Variants in CNIH3 observed in about 807,000 individuals in gnomAD.
CNIH3 encodes the protein cornichon family AMPA receptor auxiliary protein 3, also known as protein cornichon homolog 3.
In CNIH3, 14 loss-of-function variants were observed where a neutral mutation model predicts 24.1. The ratio of observed to expected loss-of-function variants is 0.58; its 90% CI spans 0.38 to 0.91. The LOEUF is 0.91. Ranked by LOEUF, CNIH3 falls within the 40% of genes least tolerant of loss-of-function variation. The pLI, the probability that CNIH3 is intolerant of heterozygous loss-of-function variation, is 0.00. For missense variants in CNIH3, 178 were observed against 196.8 expected (o/e 0.90, Z 0.57); for synonymous variants, 68 against 73.8 (o/e 0.92, Z 0.40).
intron 3 of CNIH3, among the ~76,000 whole-genome samples, chr1:224,596,564 A>G (rs1681988555): frequency 6.6e-6 from 1 of 152,188 alleles, no homozygotes; most frequent in Non-Finnish European, 1.5e-5. Flanking sequence ...CTTATTATGA[A>G]TTACATACAT....
At chr1:224,466,657 T>C (rs1359387047) in intron 1 of CNIH3, among the ~76,000 whole-genome samples, 1 of 152,226 alleles carries the variant, frequency 6.6e-6, no homozygotes, top group African/African-American at 2.4e-5. Context: ...AGTGCACTTT[T>C]AGTTTTAAAA....
chr1:224,689,371 A>G (rs1203581042), intron 3 of CNIH3, among the ~76,000 whole-genome samples: 1 of 152,220 alleles, frequency 6.6e-6, no homozygotes, highest in South Asian at 2.1e-4. Flanking sequence ...AAAACCCTTT[A>G]TGACATCACT....
Position 224,452,738 on chromosome 1 carries a change from C to T in CNIH3, n.203+17876C>T, listed in dbSNP as rs557615380. ...CAGAGCTTGCAGTGAGCCGAGATCG[C>T]GCCACTGCACTCCAGCCTGGGCAAC... On this transcript the variant is annotated intron_variant and non_coding_transcript_variant, in intron 1 of 5. Coordinates refer to the CNIH3 transcript ENST00000471578. 2.5e-4 allele frequency among the ~76,000 whole-genome samples: 36 copies of T among 143,394 alleles called. No homozygotes were observed. In the East Asian group the frequency reaches 5.1e-3, roughly 20 times the overall value. The allele number at this position is 143,394 out of a possible 152,430, so 94.1% of individuals were successfully genotyped here. A position where few individuals can be genotyped will look rare whatever the true frequency, so the allele number is the denominator to read the frequency against.
chr1:224,584,379 G>T (rs1681406779), intron 5 of CNIH3, among the ~76,000 whole-genome samples: 1 of 152,196 alleles, frequency 6.6e-6, no homozygotes, highest in Non-Finnish European at 1.5e-5. Context: ...GCAGTATTTA[G>T]GACAGCAAGG....
intron 3 of CNIH3, among the ~76,000 whole-genome samples, chr1:224,720,274 A>T (rs1355823116): frequency 2.1e-5 from 3 of 141,322 alleles, no homozygotes; most frequent in Admixed American, 7.1e-5. Flanking sequence ...TTTTTCTTGG[A>T]AAAGGTTCTT....
chr1:224,662,169 C>T (rs1185198944), intron 1 of CNIH3, among the ~76,000 whole-genome samples: 1 of 152,152 alleles, frequency 6.6e-6, no homozygotes, highest in African/African-American at 2.4e-5. Flanking sequence ...ATGACTCAGA[C>T]ATCTAGTGAG....
At position 224,661,654 on chromosome 1, in the gene CNIH3, C is replaced by T. The variant is rs561501854; in HGVS notation, c.82-19304C>T. On this transcript the variant is annotated intron_variant, in intron 1 of 5. Coordinates refer to ENST00000272133, the MANE Select transcript of CNIH3 (RefSeq NM_152495.2). ...AAATGATTGTCAAAATGACTTCCGC[C>T]ACGTCCTCTACCATTTAATCCTCCT... 4.8e-4 allele frequency: 134 copies of T among 278,410 alleles called. 1 individual carries two copies. The South Asian group carries it at 5.7e-3, about 12-fold the overall frequency. The allele number at this position is 278,410 out of a possible 1,614,324, so 17.2% of individuals were successfully genotyped here.
At chr1:224,543,015 G>C (rs1352967425) in intron 2 of CNIH3, among the ~76,000 whole-genome samples, 1 of 152,202 alleles carries the variant, frequency 6.6e-6, no homozygotes, top group Non-Finnish European at 1.5e-5. Flanking sequence ...AGAAGATTCA[G>C]GATGTGGGTA....
chr1:224,627,213 C>G lies in CNIH3; in HGVS notation c.81+9958C>G, dbSNP rs531256674. 3.9e-5 allele frequency among the ~76,000 whole-genome samples: 6 copies of G among 152,222 alleles called. No homozygotes were observed. The South Asian group carries it at 1.2e-3, about 32-fold the overall frequency. ...TCATTCTGGCTTATGAACCCAGAAG[C>G]TTGTGGGTCTCATTCTTTTTTTTGT... On this transcript the variant is annotated intron_variant, in intron 1 of 5. Coordinates refer to ENST00000272133, the MANE Select transcript of CNIH3 (RefSeq NM_152495.2).
chr1:224,585,667 A>G (rs1278689925), intron 5 of CNIH3, among the ~76,000 whole-genome samples: 2 of 148,566 alleles, frequency 1.3e-5, no homozygotes, highest in African/African-American at 4.9e-5. Flanking sequence ...TTTTTTTTGT[A>G]GAGATGGGGG....
intron 2 of CNIH3, among the ~76,000 whole-genome samples, chr1:224,527,922 A>G (rs973539685): frequency 6.6e-6 from 1 of 152,212 alleles, no homozygotes; most frequent in Non-Finnish European, 1.5e-5. Flanking sequence ...AGTATATCTG[A>G]ATAGCTGGAT....
intron 1 of CNIH3, among the ~76,000 whole-genome samples, chr1:224,443,460 C>A (rs1272214382): frequency 6.6e-6 from 1 of 152,074 alleles, no homozygotes; most frequent in Non-Finnish European, 1.5e-5. Flanking sequence ...GCAAAGGAAG[C>A]CACAGATATC....
At chr1:224,561,754 A>T (rs1680382878) in intron 3 of CNIH3, among the ~76,000 whole-genome samples, 1 of 152,198 alleles carries the variant, frequency 6.6e-6, no homozygotes, top group Non-Finnish European at 1.5e-5. Flanking sequence ...ATCCTGCCCA[A>T]GTATCTCCCC....
intron 1 of CNIH3, among the ~76,000 whole-genome samples, chr1:224,676,597 T>C (rs1013158481): frequency 6.6e-6 from 1 of 152,222 alleles, no homozygotes; most frequent in Non-Finnish European, 1.5e-5. Context: ...GTACTGTCAG[T>C]TGCTGGGCTG....
intron 2 of CNIH3, among the ~76,000 whole-genome samples, chr1:224,543,709 C>A (rs1187545475): frequency 6.6e-6 from 1 of 152,200 alleles, no homozygotes; most frequent in Non-Finnish European, 1.5e-5. Context: ...TCCTGCCTGT[C>A]TCCCTGGCCT....
intron 1 of CNIH3, among the ~76,000 whole-genome samples, chr1:224,478,311 A>G (rs1476245392): frequency 6.6e-6 from 1 of 151,874 alleles, no homozygotes; most frequent in African/African-American, 2.4e-5. Context: ...TGCCCTTTTG[A>G]GGTTATTTTC....
chr1:224,573,763 A>G (rs982434615), intron 4 of CNIH3, among the ~76,000 whole-genome samples: 1 of 152,144 alleles, frequency 6.6e-6, no homozygotes, highest in Non-Finnish European at 1.5e-5. Context: ...TAGTCTCCCT[A>G]CCTTTTCCCA....
At chr1:224,681,937 CA>C in intron 2 of CNIH3, among the ~76,000 whole-genome samples, 1 of 152,288 alleles carries the variant, frequency 6.6e-6, no homozygotes, top group East Asian at 1.9e-4. Context: ...AGCGCTAAGG[CA>C]ACTTTTTGCC....
chr1:224,551,839 G>A (rs191353350), intron 3 of CNIH3, among the ~76,000 whole-genome samples: 2 of 150,036 alleles, frequency 1.3e-5, no homozygotes, highest in East Asian at 4.0e-4. Context: ...GATTACACAG[G>A]GGGTGTACTC....
Sources: allele counts gnomAD v4.1 joint callset (sites outside exome capture counted in the v4.1 genomes callset), GRCh38; gene constraint gnomAD v4.1.1; transcripts MANE v1.5; gene names NCBI Gene and HGNC (gene_info 2026-07-23, HGNC 2026-07-21).